Variants in RSRC1 observed in about 807,000 individuals in gnomAD.
RSRC1 encodes arginine and serine rich coiled-coil 1.
In RSRC1, 39 loss-of-function variants were observed where a neutral mutation model predicts 49.1. That is an observed-to-expected ratio of 0.79 (90% CI 0.61 to 1.04). The LOEUF (loss-of-function observed/expected upper bound fraction) is 1.04, where lower values mean the gene tolerates loss of function less well. Among genes scored for constraint, RSRC1 ranks in the 50% least tolerant of loss-of-function variants. RSRC1 has a pLI of 0.00. For synonymous variants in RSRC1, 143 were observed against 130.8 expected (o/e 1.09, Z -0.63); for missense variants, 388 against 402.4 (o/e 0.96, Z 0.31).
At chr3:158,138,461 A>G (rs373264962) in intron 3 of RSRC1, among the ~76,000 whole-genome samples, 14 of 152,294 alleles carry the variant, frequency 9.2e-5, no homozygotes, top group South Asian at 6.2e-4. Context: ...AGAGAATTCT[A>G]TGTGGGGTGT....
chr3:158,316,427 C>A (rs1432166978), intron 5 of RSRC1, among the ~76,000 whole-genome samples: 2 of 142,304 alleles, frequency 1.4e-5, no homozygotes, highest in South Asian at 2.3e-4. Flanking sequence ...CAGTCCACTG[C>A]AGAATCTCTC....
chr3:158,126,411 G>A (rs1261938584), intron 3 of RSRC1, among the ~76,000 whole-genome samples: 1 of 151,706 alleles, frequency 6.6e-6, no homozygotes, highest in Non-Finnish European at 1.5e-5. Context: ...TTGCCATGAG[G>A]CTTACACAAA....
At chr3:158,206,836 C>A (rs1413405068) in intron 4 of RSRC1, among the ~76,000 whole-genome samples, 1 of 152,096 alleles carries the variant, frequency 6.6e-6, no homozygotes, top group Non-Finnish European at 1.5e-5. Flanking sequence ...ATTGCTTGAA[C>A]CCAGGAGGTG....
At chr3:158,496,954 T>G (rs1266993758) in intron 7 of RSRC1, 2 of 160,208 alleles carry the variant, frequency 1.2e-5, no homozygotes, top group Non-Finnish European at 2.8e-5. Context: ...AATTTTGGCT[T>G]ATGGAAAAAA....
intron 4 of RSRC1, among the ~76,000 whole-genome samples, chr3:158,238,922 C>G (rs533596558): frequency 1.2e-3 from 182 of 152,138 alleles, no homozygotes; most frequent in African/African-American, 2.9e-3. Flanking sequence ...CCATCAGAGT[C>G]TACAGGCAAC....
intron 6 of RSRC1, among the ~76,000 whole-genome samples, chr3:158,419,697 C>T (rs1482987094): frequency 6.6e-6 from 1 of 151,666 alleles, no homozygotes. Context: ...ACTTTTGTGC[C>T]ACCTTTATAG....
At chr3:158,323,865 T>C (rs1470369698) in intron 5 of RSRC1, among the ~76,000 whole-genome samples, 1 of 152,204 alleles carries the variant, frequency 6.6e-6, no homozygotes, top group African/African-American at 2.4e-5. Context: ...TTACTGGAAA[T>C]AAGATGCATC....
intron 1 of RSRC1, among the ~76,000 whole-genome samples, chr3:158,113,495 A>G (rs1372648230): frequency 2.6e-5 from 4 of 151,238 alleles, no homozygotes; most frequent in Non-Finnish European, 4.4e-5. Flanking sequence ...CAGCCTCCTG[A>G]GTAGCTGGGA....
chr3:158,284,767 G>C (rs1200574383), intron 4 of RSRC1, among the ~76,000 whole-genome samples: 2 of 151,626 alleles, frequency 1.3e-5, no homozygotes, highest in South Asian at 2.1e-4. Context: ...GAATTTGTTT[G>C]AGTTCATTGT....
intron 4 of RSRC1, among the ~76,000 whole-genome samples, chr3:158,292,434 G>A (rs1186338500): frequency 6.6e-6 from 1 of 152,150 alleles, no homozygotes; most frequent in Non-Finnish European, 1.5e-5. Context: ...AAAAAGACCT[G>A]CTGTACTCCT....
At chr3:158,459,927 A>G (rs982460293) in intron 6 of RSRC1, among the ~76,000 whole-genome samples, 1 of 151,948 alleles carries the variant, frequency 6.6e-6, no homozygotes, top group South Asian at 2.1e-4. Context: ...TATATTTTAT[A>G]TAAATTTCCC....
At chr3:158,231,493 A>G (rs965520865) in intron 4 of RSRC1, among the ~76,000 whole-genome samples, 2 of 152,026 alleles carry the variant, frequency 1.3e-5, no homozygotes, top group African/African-American at 4.8e-5. Context: ...TAAGGCCCAC[A>G]TCCTGAATAA....
intron 7 of RSRC1, among the ~76,000 whole-genome samples, chr3:158,478,662 C>T (rs1255730580): frequency 6.6e-6 from 1 of 151,928 alleles, no homozygotes; most frequent in Non-Finnish European, 1.5e-5. Context: ...TCCCTTCACT[C>T]CAATTATTTC....
At chr3:158,267,582 C>T (rs770976219) in intron 4 of RSRC1, among the ~76,000 whole-genome samples, 1 of 151,300 alleles carries the variant, frequency 6.6e-6, no homozygotes, top group Non-Finnish European at 1.5e-5. Flanking sequence ...TTATGGTGGT[C>T]TTTCTTTAAG....
At chr3:158,451,873 T>C (rs909422987) in intron 6 of RSRC1, among the ~76,000 whole-genome samples, 2 of 152,074 alleles carry the variant, frequency 1.3e-5, no homozygotes, top group African/African-American at 4.8e-5. Context: ...GGAAGAAACA[T>C]TATTGAATGT....
At chr3:158,468,974 G>C (rs1371902341) in intron 7 of RSRC1, among the ~76,000 whole-genome samples, 2 of 152,024 alleles carry the variant, frequency 1.3e-5, no homozygotes, top group Non-Finnish European at 2.9e-5. Context: ...ATCATTATTT[G>C]GTATATTACA....
intron 5 of RSRC1, among the ~76,000 whole-genome samples, 188 bp from the exon 6 acceptor site, chr3:158,354,669 T>A (rs1731062215): frequency 6.6e-6 from 1 of 152,114 alleles, no homozygotes; most frequent in African/African-American, 2.4e-5. Flanking sequence ...GAAAAAAAAA[T>A]GAAAGAAGCT....
chr3:158,312,271 A>G (rs987352517), intron 5 of RSRC1, among the ~76,000 whole-genome samples: 1 of 152,156 alleles, frequency 6.6e-6, no homozygotes, highest in Non-Finnish European at 1.5e-5. Context: ...GTATTACCAA[A>G]TGTGGCCTTA....
At chr3:158,258,660 CT>C (rs1724712527) in intron 4 of RSRC1, among the ~76,000 whole-genome samples, 1 of 152,114 alleles carries the variant, frequency 6.6e-6, no homozygotes, top group South Asian at 2.1e-4. Flanking sequence ...TCTACCTCCT[CT>C]TTAAGGCCAA....
Sources: gnomAD v4.1 joint callset for allele counts (sites outside exome capture counted in the v4.1 genomes callset) on GRCh38, gnomAD v4.1.1 for gene constraint, MANE v1.5 for transcripts, NCBI Gene and HGNC (gene_info 2026-07-23, HGNC 2026-07-21) for gene names.